ZSWIM4: variants seen among roughly 807,000 people sequenced by gnomAD.
ZSWIM4 encodes the protein zinc finger SWIM-type containing 4.
A neutral mutation model predicts 102.5 loss-of-function variants in ZSWIM4; 62 were observed. That is an observed-to-expected ratio of 0.60 (90% CI 0.49 to 0.75). The LOEUF (loss-of-function observed/expected upper bound fraction) is 0.75, where lower values mean the gene tolerates loss of function less well. Ranked by LOEUF, ZSWIM4 falls within the 30% of genes least tolerant of loss-of-function variation. The probability of loss-of-function intolerance (pLI) is 0.00; values close to 1 mark genes in which losing one functional copy is unlikely to be tolerated. For synonymous variants in ZSWIM4, 652 were observed against 674.5 expected, an observed-to-expected ratio of 0.97 and a Z score of 0.52; for missense variants, 1,280 against 1,529.6, an observed-to-expected ratio of 0.84 and a Z score of 2.72.
intron 1 of ZSWIM4, among the ~76,000 whole-genome samples, chr19:13,799,294 G>T (rs768729757): frequency 7.5e-6 from 1 of 132,938 alleles, no homozygotes; most frequent in Non-Finnish European, 1.6e-5. Context: ...TTTTTTTCGA[G>T]ATGCAGTCTT....
Position 13,830,637 on chromosome 19 carries a change from C to G in ZSWIM4, c.2908C>G (p.Leu970Val), listed in dbSNP as rs890974445. 1 of 1,601,154 alleles carries G rather than the reference C, an allele frequency of 6.2e-7. No homozygotes were observed. The highest frequency in any genetic ancestry group is 8.5e-7 in the Non-Finnish European group (1 of 1,179,798). Residue 970 changes from leucine (L) to valine (V), a missense_variant, in exon 14 of 14, where the codon CTC (leucine) becomes GTC (valine). By Grantham distance (32) the Leu-to-Val change is conservative. Transcript: ENST00000590508. ...AVNDVLWACS[L>V]SHSLGRHELS... ...CAACGACGTGCTTTGGGCCTGCTCT[C>G]TCAGCCACTCCCTGGGCCGGCACGA...
intron 3 of ZSWIM4, among the ~76,000 whole-genome samples, 176 bp downstream of exon 3, chr19:13,805,324 A>G (rs1202101330): frequency 6.6e-6 from 1 of 152,134 alleles, no homozygotes; most frequent in African/African-American, 2.4e-5. Flanking sequence ...CAGATCCCAG[A>G]TATCTGGACA....
chr19:13,824,778 A>AT (rs1975561699), intron 11 of ZSWIM4, among the ~76,000 whole-genome samples: 3 of 147,604 alleles, frequency 2.0e-5, no homozygotes, highest in African/African-American at 7.5e-5. Flanking sequence ...AATAATAATA[A>AT]AAGCTAACAT....
intron 5 of ZSWIM4, among the ~76,000 whole-genome samples, chr19:13,810,905 C>G (rs572096748): frequency 0.014 from 1,989 of 137,776 alleles, 63 homozygotes; most frequent in African/African-American, 0.053. Flanking sequence ...CCACCACGCC[C>G]AGCCTTTTTT....
chr19:13,805,229 C>T, intron 3 of ZSWIM4, 81 bp downstream of exon 3: 1 of 1,275,068 alleles, frequency 7.8e-7, no homozygotes, highest in Middle Eastern at 2.1e-4. Flanking sequence ...CAGTGCTGGT[C>T]ACTTACTGAC....
In ZSWIM4 at chr19:13,799,731, G is replaced by T; in HGVS notation, c.165G>T (p.Arg55=). ...ESWAFEQVEE[R]FSRVPEPVQK... ...GGCCCTTCCTACAGGTGGAGGAGCG[G>T]TTCTCCCGGGTGCCTGAGCCCGTCC... Residue 55 remains arginine (R), a synonymous_variant, in exon 2 of 14, where the codon CGG becomes CGT. Coordinates refer to ENST00000590508, the MANE Select transcript of ZSWIM4 (RefSeq NM_001367834.3). The T allele has an allele frequency of 2.5e-6, 4 of 1,613,968 alleles. No homozygotes were observed. The highest frequency in any genetic ancestry group is 3.4e-6 in the Non-Finnish European group (4 of 1,179,990).
intron 10 of ZSWIM4, among the ~76,000 whole-genome samples, 162 bp downstream of exon 10, chr19:13,819,654 A>ATTTAT (rs1555715240): frequency 6.7e-5 from 10 of 150,336 alleles, no homozygotes; most frequent in African/African-American, 2.5e-4. Context: ...TTTCATTATT[A>ATTTAT]TTATTTATTT....
chr19:13,808,454 G>A (rs563811936), intron 3 of ZSWIM4, among the ~76,000 whole-genome samples: 75 of 152,100 alleles, frequency 4.9e-4, no homozygotes, highest in Admixed American at 3.4e-3. Context: ...TGGATGGATG[G>A]GTCGGGCACA....
intron 2 of ZSWIM4, among the ~76,000 whole-genome samples, chr19:13,800,915 G>A (rs1188244592): frequency 6.6e-6 from 1 of 152,160 alleles, no homozygotes; most frequent in East Asian, 1.9e-4. Flanking sequence ...GCCAAGGCAG[G>A]AAGATCACTT....
intron 10 of ZSWIM4, among the ~76,000 whole-genome samples, chr19:13,819,905 G>A (rs1472747195): frequency 6.7e-6 from 1 of 149,970 alleles, no homozygotes; most frequent in Non-Finnish European, 1.5e-5. Flanking sequence ...GTGCAGTGGC[G>A]CGATCTCGGC....
intron 1 of ZSWIM4, among the ~76,000 whole-genome samples, chr19:13,798,115 ATTCTT>A (rs1012071896): frequency 2.9e-4 from 44 of 152,306 alleles, no homozygotes; most frequent in African/African-American, 6.5e-4. Context: ...TAGTGTGTGC[ATTCTT>A]TTCTTTTCTT....
At chr19:13,811,436 A>T (rs1429976502) in intron 5 of ZSWIM4, among the ~76,000 whole-genome samples, 2 of 150,886 alleles carry the variant, frequency 1.3e-5, no homozygotes, top group Non-Finnish European at 3.0e-5. Context: ...GGGCTGAGGT[A>T]GGGGGATCAC....
In ZSWIM4 at chr19:13,813,037, A is replaced by G. The variant is rs1975151118; in HGVS notation, c.1053A>G (p.Lys351=). 6.2e-7 allele frequency: 1 copy of G among 1,613,728 alleles called. No homozygotes were observed. The highest frequency in any genetic ancestry group is 8.5e-7 in the Non-Finnish European group (1 of 1,179,878). ...GCGTCGTCCTGAGCCCCCACTGCAA[A>G]CCAGAGGAAAGGGCAGGCTGGCTCC... ...WVCVVLSPHC[K]PEERAGWLQL... is the part of the protein sequence containing the mutation. The change falls in exon 6 of 14, where the codon AAA becomes AAG. Residue 351 remains lysine (K), a synonymous_variant. Transcript: ENST00000590508.
chr19:13,809,357 G>A lies in ZSWIM4; in HGVS notation c.1012+137G>A. ...AAACATTTATGAGCGCCTCTAAAGT[G>A]CCAGGCATGGTACTGGGCACTGGTG... On this transcript the variant is annotated intron_variant, in intron 5 of 13. Coordinates refer to ENST00000590508, the MANE Select transcript of ZSWIM4 (RefSeq NM_001367834.3). This position sits in a 1 kb window ranked among gnomAD's most constrained non-coding sequence, Gnocchi z 4.2. The A allele has an allele frequency of 2.4e-6, 3 of 1,231,744 alleles. No homozygotes were observed. Among genetic ancestry groups the A allele is most frequent in the African/African-American group, 1.5e-5 (1 of 65,872 alleles). 76.3% of individuals were successfully genotyped at this position (1,231,744 alleles called of 1,614,324 possible).
rs1253004501 is a variant in ZSWIM4, at chr19:13,804,917, G to A, written c.481G>A (p.Asp161Asn). ...TSVSCGCDNRDLFYCAHVVAL... is the reference protein window; with the variant it reads ...TSVSCGCDNRNLFYCAHVVAL... ...CGTGAGCTGCGGCTGTGACAACCGC[G>A]ACCTCTTCTACTGTGCCCACGTGGT... The change falls in exon 3 of 14, where the codon GAC (aspartate) becomes AAC (asparagine). Residue 161 changes from aspartate (D) to asparagine (N), a missense_variant. Coordinates refer to ENST00000590508, the MANE Select transcript of ZSWIM4 (RefSeq NM_001367834.3). 3.7e-6 allele frequency: 6 copies of A among 1,613,412 alleles called. No individual in the cohort carries two copies. The highest frequency in any genetic ancestry group is 5.1e-6 in the Non-Finnish European group (6 of 1,180,012).
At position 13,830,661 on chromosome 19, in the gene ZSWIM4, G is replaced by A; in HGVS notation, c.2932G>A (p.Glu978Lys). Reference protein sequence around the residue: ...CSLSHSLGRHELSAIVPLIIR... With the variant: ...CSLSHSLGRHKLSAIVPLIIR... ...TCTCAGCCACTCCCTGGGCCGGCAC[G>A]AGCTCTCTGCCATCGTCCCCCTCAT... The change falls in exon 14 of 14, where the codon GAG becomes AAG. Residue 978 changes from glutamate (E) to lysine (K), a missense_variant. By Grantham distance (56) the Glu-to-Lys change is moderately conservative. Transcript: ENST00000590508. 2 of 1,603,292 alleles carry A rather than the reference G, an allele frequency of 1.2e-6. No individual in the cohort carries two copies. Among genetic ancestry groups the A allele is most frequent in the Non-Finnish European group, 1.7e-6 (2 of 1,179,690 alleles).
chr19:13,828,780 G>A lies in ZSWIM4; in HGVS notation c.2461+54G>A. The A allele has an allele frequency of 8.4e-6, 13 of 1,541,834 alleles. No individual in the cohort carries two copies. In the East Asian group the frequency reaches 2.7e-4, roughly 32 times the overall value. On this transcript the variant is annotated intron_variant, in intron 13 of 13. Coordinates refer to ENST00000590508, the MANE Select transcript of ZSWIM4 (RefSeq NM_001367834.3). ...CACTTCGCTGTTCTGGTTCTGCAGAGCGCACTGAGAGAACCAGGCAGACAA... is the reference window on the plus strand; with the variant it reads ...CACTTCGCTGTTCTGGTTCTGCAGAACGCACTGAGAGAACCAGGCAGACAA...
intron 1 of ZSWIM4, among the ~76,000 whole-genome samples, chr19:13,797,173 C>T (rs184428648): frequency 6.6e-6 from 1 of 152,210 alleles, no homozygotes; most frequent in Non-Finnish European, 1.5e-5. Context: ...CCCCTGCAAC[C>T]CTTTGGCAGT....
rs1242663226 is a variant in ZSWIM4 at position 13,814,806 on chromosome 19, TCAA to T, written c.1475_1477del (p.Asn492del). On this transcript the variant is annotated inframe_deletion, in exon 7 of 14. Coordinates refer to ENST00000590508, the MANE Select transcript of ZSWIM4 (RefSeq NM_001367834.3). The stretch of plus-strand genomic sequence containing the variant: ...GCCCTGCGGCTGGCAAGTGCCATCA[TCAA>T]CACACTCCGGCTGCAGCAGCGGCAT... 1 of 1,280,904 alleles carries T rather than the reference TCAA, an allele frequency of 7.8e-7. No individual in the cohort carries two copies. The allele number at this position is 1,280,904 out of a possible 1,614,324, so 79.3% of individuals were successfully genotyped here.
Sources: allele counts gnomAD v4.1 joint callset (sites outside exome capture counted in the v4.1 genomes callset), GRCh38; gene constraint gnomAD v4.1.1; non-coding constraint Gnocchi (gnomAD v3.1); transcripts MANE v1.5; gene names NCBI Gene and HGNC (gene_info 2026-07-23, HGNC 2026-07-21).